SERBP1: variants seen among roughly 807,000 people sequenced by gnomAD.
SERBP1 encodes SERPINE1 mRNA binding protein 1.
SERBP1 carries 6 observed loss-of-function variants against 50.2 expected under a neutral mutation model. The observed-to-expected ratio is 0.12, with a 90% CI of 0.07 to 0.24. The LOEUF (loss-of-function observed/expected upper bound fraction) is 0.24, where lower values mean the gene tolerates loss of function less well. SERBP1 is among the 10% of genes least tolerant of loss of function. The pLI, the probability that SERBP1 is intolerant of heterozygous loss-of-function variation, is 1.00. For missense variants in SERBP1, 346 were observed against 524.9 expected, an observed-to-expected ratio of 0.66 and a Z score of 3.33; for synonymous variants, 168 against 182.8, an observed-to-expected ratio of 0.92 and a Z score of 0.65.
chr1:67,408,935 C>A lies in SERBP1; in HGVS notation c.*4272G>T, dbSNP rs746961229. ...ATTTCACAGCTTCCTGTTGGGTAGA[C>A]CACTTAATTTGTACCTAGAACTAAA... On this transcript the variant is annotated 3_prime_UTR_variant, in exon 8 of 8. Transcript: ENST00000361219. The A allele has an allele frequency of 6.6e-6, 1 of 152,074 alleles. No homozygotes were observed. The highest frequency in any genetic ancestry group is 1.5e-5 in the Non-Finnish European group (1 of 68,020). The allele number at this position is 152,074 out of a possible 1,614,324, so 9.4% of individuals were successfully genotyped here.
intron 6 of SERBP1, among the ~76,000 whole-genome samples, chr1:67,418,927 T>C (rs767278681): frequency 1.3e-5 from 2 of 152,202 alleles, no homozygotes; most frequent in African/African-American, 4.8e-5. Flanking sequence ...AGGAAGCTGA[T>C]AGAGAAAATG....
At chr1:67,429,236 A>G (rs1304209223) in intron 1 of SERBP1, among the ~76,000 whole-genome samples, 1 of 152,198 alleles carries the variant, frequency 6.6e-6, no homozygotes, top group Non-Finnish European at 1.5e-5. Context: ...GGGAGTCGAG[A>G]GAGAGGATCG....
chr1:67,418,736 G>A (rs968582450), intron 6 of SERBP1, among the ~76,000 whole-genome samples: 1 of 151,272 alleles, frequency 6.6e-6, no homozygotes, highest in Non-Finnish European at 1.5e-5. Flanking sequence ...TCCAGCCTGG[G>A]CGACAGAGCC....
chr1:67,424,848 T>C (rs111905430), intron 4 of SERBP1, 40 bp downstream of exon 4: 6 of 1,487,082 alleles, frequency 4.0e-6, no homozygotes, highest in Non-Finnish European at 4.7e-6. Context: ...GATTAACCTC[T>C]AGTTAGGTAT....
rs986096549 is a variant in SERBP1 at position 67,429,789 on chromosome 1, GC to G, written c.313+198del. The G allele has an allele frequency of 5.3e-6, 3 of 570,534 alleles. No homozygotes were observed. The African/African-American group carries it at 5.9e-5, about 11-fold the overall frequency. The allele number at this position is 570,534 out of a possible 1,614,324, so 35.3% of individuals were successfully genotyped here. ...GGAAGGGGATGGCTCCGAGAACCTCGCCGGCGGTGGCTTGAACTTGGGGCTA... is the reference window on the plus strand; with the variant it reads ...GGAAGGGGATGGCTCCGAGAACCTCGCGGCGGTGGCTTGAACTTGGGGCTA... On this transcript the variant is annotated intron_variant, in intron 1 of 7. Coordinates refer to ENST00000361219, the MANE Select transcript of SERBP1 (RefSeq NM_001018069.2).
intron 1 of SERBP1, among the ~76,000 whole-genome samples, chr1:67,426,549 T>G (rs1355527893): frequency 1.3e-5 from 2 of 152,244 alleles, no homozygotes; most frequent in African/African-American, 4.8e-5. Flanking sequence ...CTATTTAAGT[T>G]TGCCAAGTTC....
chr1:67,424,403 C>T (rs924503912), intron 4 of SERBP1, 126 bp from the exon 5 acceptor site: 3 of 1,214,568 alleles, frequency 2.5e-6, no homozygotes, highest in East Asian at 2.4e-5. Context: ...ATACCATAAG[C>T]TCTCACATTC....
Sources: gnomAD v4.1 joint callset for allele counts (sites outside exome capture counted in the v4.1 genomes callset) on GRCh38, gnomAD v4.1.1 for gene constraint, MANE v1.5 for transcripts, NCBI Gene and HGNC (gene_info 2026-07-23, HGNC 2026-07-21) for gene names.